The following ELAVL2 variants were observed in gnomAD, a reference collection of about 807,000 sequenced individuals.
ELAVL2 encodes ELAV like RNA binding protein 2, also known as ELAV-like protein 2.
ELAVL2 carries 4 observed loss-of-function variants against 34.6 expected under a neutral mutation model. The observed-to-expected ratio is 0.12, with a 90% CI of 0.06 to 0.26. The LOEUF is 0.26. Ranked by LOEUF, ELAVL2 falls within the 10% of genes least tolerant of loss-of-function variation. The pLI is 1.00. For synonymous variants in ELAVL2, 193 were observed against 154.8 expected (o/e 1.25, Z -1.83); for missense variants, 432 against 442.8 (o/e 0.98, Z 0.22).
chr9:23,789,461 A>T (rs948671682), intron 1 of ELAVL2, among the ~76,000 whole-genome samples: 1 of 152,228 alleles, frequency 6.6e-6, no homozygotes, highest in African/African-American at 2.4e-5. Flanking sequence ...AGTATTGAGG[A>T]AACAGTTCAA....
intron 1 of ELAVL2, among the ~76,000 whole-genome samples, chr9:23,822,098 A>T (rs1415241204): frequency 2.0e-5 from 3 of 152,112 alleles, no homozygotes; most frequent in African/African-American, 7.2e-5. Context: ...GGCTGATTCC[A>T]GGTGCAAGTT....
At chr9:23,817,393 C>T (rs949193846) in intron 1 of ELAVL2, among the ~76,000 whole-genome samples, 9 of 152,130 alleles carry the variant, frequency 5.9e-5, no homozygotes, top group African/African-American at 2.2e-4. Flanking sequence ...ACAACGAAAA[C>T]CTGTATCTGT....
chr9:23,772,958 A>G (rs1165627993), intron 1 of ELAVL2, among the ~76,000 whole-genome samples: 1 of 152,182 alleles, frequency 6.6e-6, no homozygotes, highest in Non-Finnish European at 1.5e-5. Flanking sequence ...TCCCCCAAAG[A>G]CAGCTTTCTT....
chr9:23,718,861 A>G (rs1257324216), intron 3 of ELAVL2, among the ~76,000 whole-genome samples: 1 of 152,208 alleles, frequency 6.6e-6, no homozygotes, highest in Non-Finnish European at 1.5e-5. Context: ...TAATAGTCTC[A>G]TTCAAAGACA....
the ELAVL2 span, among the ~76,000 whole-genome samples, chr9:23,838,472 C>T: frequency 1.3e-5 from 2 of 152,138 alleles, no homozygotes; most frequent in South Asian, 4.1e-4. Context: ...ATAATATTCA[C>T]TTCTAAAAAA....
intron 3 of ELAVL2, among the ~76,000 whole-genome samples, chr9:23,708,179 C>T (rs2039922325): frequency 6.6e-6 from 1 of 152,130 alleles, no homozygotes; most frequent in Non-Finnish European, 1.5e-5. Context: ...CCATTTTCCA[C>T]TACCACAGGC....
At chr9:23,707,915 C>A (rs1334493491) in intron 3 of ELAVL2, among the ~76,000 whole-genome samples, 2 of 152,174 alleles carry the variant, frequency 1.3e-5, no homozygotes, top group Non-Finnish European at 2.9e-5. Context: ...CAGTGACATT[C>A]ACTGCTTTGT....
intron 1 of ELAVL2, among the ~76,000 whole-genome samples, chr9:23,766,563 C>T (rs1428563954): frequency 2.3e-5 from 3 of 128,882 alleles, no homozygotes; most frequent in Non-Finnish European, 5.1e-5. Context: ...TCTATTGACA[C>T]CCCTCTTTCT....
At chr9:23,824,754 T>C (rs1294919148) in intron 1 of ELAVL2, among the ~76,000 whole-genome samples, 1 of 152,068 alleles carries the variant, frequency 6.6e-6, no homozygotes, top group African/African-American at 2.4e-5. Flanking sequence ...ATCACAAAAG[T>C]TAAAATGAAG....
chr9:23,760,240 G>A (rs2054645622), intron 2 of ELAVL2, among the ~76,000 whole-genome samples: 1 of 151,946 alleles, frequency 6.6e-6, no homozygotes, highest in African/African-American at 2.4e-5. Flanking sequence ...TATGAAAGAT[G>A]TATGATTTGT....
In ELAVL2 at chr9:23,722,144, G is replaced by C. The variant is rs184509827; in HGVS notation, c.333+8878C>G. ...CTAAAAGTAATGATAGGAATGGCTG[G>C]CAGAAGTGAAAATAAAAGAAAATGC... is the stretch of plus-strand genomic sequence containing the variant. On this transcript the variant is annotated intron_variant, in intron 3 of 6. Coordinates refer to ENST00000397312, the MANE Select transcript of ELAVL2 (RefSeq NM_004432.5). Among the ~76,000 whole-genome samples the C allele has an allele frequency of 6.3e-4, 96 of 152,280 alleles. 1 individual carries two copies. In the Middle Eastern group the frequency reaches 0.01, roughly 16 times the overall value.
At chr9:23,752,186 CCT>C (rs1456046193) in intron 2 of ELAVL2, among the ~76,000 whole-genome samples, 2 of 152,116 alleles carry the variant, frequency 1.3e-5, no homozygotes, top group African/African-American at 4.8e-5. Flanking sequence ...AGACAGTACC[CCT>C]GTGTGCTAGG....
chr9:23,751,818 T>G (rs2052126183), intron 2 of ELAVL2, among the ~76,000 whole-genome samples: 1 of 152,172 alleles, frequency 6.6e-6, no homozygotes, highest in Non-Finnish European at 1.5e-5. Flanking sequence ...TTCTGAAACA[T>G]TCACACAATA....
At chr9:23,776,723 C>T (rs2058250480) in intron 1 of ELAVL2, among the ~76,000 whole-genome samples, 1 of 126,760 alleles carries the variant, frequency 7.9e-6, no homozygotes, top group South Asian at 2.5e-4. Context: ...CTGACCTATG[C>T]TAAATAGTTT....
chr9:23,790,164 T>G, intron 1 of ELAVL2, among the ~76,000 whole-genome samples: 1 of 152,128 alleles, frequency 6.6e-6, no homozygotes, highest in East Asian at 1.9e-4. Flanking sequence ...CCGAGTGCTG[T>G]TTTGTACTGG....
intron 3 of ELAVL2, among the ~76,000 whole-genome samples, chr9:23,712,324 C>A (rs1043672229): frequency 3.9e-5 from 6 of 152,108 alleles, no homozygotes; most frequent in Admixed American, 2.0e-4. Context: ...TGTGAAATGA[C>A]AGTGACTGGG....
intron 3 of ELAVL2, among the ~76,000 whole-genome samples, chr9:23,708,368 A>C (rs3926807): frequency 6.6e-6 from 1 of 152,338 alleles, no homozygotes; most frequent in South Asian, 2.1e-4. Flanking sequence ...AGTATTTTAT[A>C]GCTGGGGAAA....
chr9:23,778,427 A>C (rs2058565440), intron 1 of ELAVL2, among the ~76,000 whole-genome samples: 1 of 152,222 alleles, frequency 6.6e-6, no homozygotes, highest in South Asian at 2.1e-4. Context: ...CCAATGTAAC[A>C]ATTTCACATT....
At chr9:23,735,671 A>C (rs550567317) in intron 2 of ELAVL2, 3 of 152,322 alleles carry the variant, frequency 2.0e-5, no homozygotes, top group African/African-American at 7.2e-5. Context: ...TTTGTTTCAC[A>C]CGCTTCTTTT....
Sources: gnomAD v4.1 joint callset for allele counts (sites outside exome capture counted in the v4.1 genomes callset) on GRCh38, gnomAD v4.1.1 for gene constraint, MANE v1.5 for transcripts, NCBI Gene and HGNC (gene_info 2026-07-23, HGNC 2026-07-21) for gene names.